Variants in PCBP3 observed in about 807,000 individuals in gnomAD.
PCBP3 encodes the protein poly(rC) binding protein 3.
A neutral mutation model predicts 52.7 loss-of-function variants in PCBP3; 25 were observed. The ratio of observed to expected loss-of-function variants is 0.47; its 90% CI spans 0.35 to 0.66. The LOEUF (loss-of-function observed/expected upper bound fraction) is 0.66, where lower values mean the gene tolerates loss of function less well. Ranked by LOEUF, PCBP3 falls within the 30% of genes least tolerant of loss-of-function variation. The pLI is 0.01. For missense variants in PCBP3, 391 were observed against 490.3 expected, an observed-to-expected ratio of 0.80 and a Z score of 1.91; for synonymous variants, 162 against 183.0, an observed-to-expected ratio of 0.89 and a Z score of 0.93.
chr21:45,782,206 C>T (rs961029748), intron 4 of PCBP3, among the ~76,000 whole-genome samples: 1 of 151,918 alleles, frequency 6.6e-6, no homozygotes. Context: ...GAGATAAAAA[C>T]GTGAGAAATA....
At chr21:45,941,646 C>T (rs1463776744) in intron 17 of PCBP3, 24 bp from the exon 18 acceptor site, 1 of 1,603,138 alleles carries the variant, frequency 6.2e-7, no homozygotes, top group Non-Finnish European at 8.5e-7. Context: ...CCGTCTCTCC[C>T]TCTCCTGCCT....
At chr21:45,896,754 A>C (rs1416167198) in intron 6 of PCBP3, among the ~76,000 whole-genome samples, 28 of 144,004 alleles carry the variant, frequency 1.9e-4, no homozygotes, top group African/African-American at 7.5e-4. Flanking sequence ...GGAAAGGCAG[A>C]CATGGCACAT....
intron 4 of PCBP3, among the ~76,000 whole-genome samples, chr21:45,765,325 G>A (rs1359552901): frequency 2.0e-5 from 3 of 152,220 alleles, no homozygotes; most frequent in Non-Finnish European, 4.4e-5. Context: ...ATCAGGTTGG[G>A]GCGGGCATTG....
chr21:45,785,338 TG>T, intron 4 of PCBP3, among the ~76,000 whole-genome samples: 1 of 112,372 alleles, frequency 8.9e-6, no homozygotes, highest in East Asian at 2.7e-4. Flanking sequence ...GGGAGGGAGG[TG>T]GGGGGGTCAG....
Position 45,917,450 on chromosome 21 carries a change from C to G in PCBP3, c.676-138C>G. The G allele has an allele frequency of 1.4e-6, 1 of 690,282 alleles. No individual in the cohort carries two copies. Among genetic ancestry groups the G allele is most frequent in the South Asian group, 1.7e-5 (1 of 58,376 alleles). The allele number at this position is 690,282 out of a possible 1,614,324, so 42.8% of individuals were successfully genotyped here. A position where few individuals can be genotyped will look rare whatever the true frequency, so the allele number is the denominator to read the frequency against. ...GCCCTGGGAGGGTTGGCCCTTTGTC[C>G]TAGGATGGGGACAGGTGGAGAGGCA... On this transcript the variant is annotated intron_variant, in intron 12 of 17. Transcript: ENST00000681687. This position sits in a 1 kb window ranked among gnomAD's most constrained non-coding sequence, Gnocchi z 5.3.
chr21:45,671,697 A>G (rs908867837), intron 2 of PCBP3, among the ~76,000 whole-genome samples: 2 of 152,206 alleles, frequency 1.3e-5, no homozygotes, highest in Non-Finnish European at 2.9e-5. Flanking sequence ...GGATGGTATC[A>G]GTAAGTGGGG....
At chr21:45,649,631 A>G (rs1444995787) in intron 1 of PCBP3, among the ~76,000 whole-genome samples, 3 of 152,110 alleles carry the variant, frequency 2.0e-5, no homozygotes, top group Non-Finnish European at 2.9e-5. Context: ...TGATAATTTA[A>G]TTTCTTTCTC....
intron 5 of PCBP3, among the ~76,000 whole-genome samples, chr21:45,855,803 G>A (rs1316814917): frequency 6.6e-6 from 1 of 152,234 alleles, no homozygotes; most frequent in Admixed American, 6.5e-5. Flanking sequence ...GTGGAACCCA[G>A]GGAGACAGAA....
chr21:45,935,466 A>G, intron 16 of PCBP3, 161 bp downstream of exon 16: 1 of 703,894 alleles, frequency 1.4e-6, no homozygotes, highest in Non-Finnish European at 2.6e-6. Context: ...TTCCTTTTTA[A>G]AGTGGGTTTA....
chr21:45,775,210 T>G (rs2090162937), intron 4 of PCBP3, among the ~76,000 whole-genome samples: 1 of 152,174 alleles, frequency 6.6e-6, no homozygotes, highest in South Asian at 2.1e-4. Flanking sequence ...CTGTTCAGGA[T>G]TTTTATTTCC....
At chr21:45,804,483 C>CT (rs2146840819) in intron 4 of PCBP3, among the ~76,000 whole-genome samples, 2 of 152,258 alleles carry the variant, frequency 1.3e-5, no homozygotes, top group East Asian at 3.9e-4. Flanking sequence ...AGCCGGGGAG[C>CT]TTACTGAAGA....
rs530354390 is a variant in PCBP3 at position 45,902,036 on chromosome 21, A to G, written c.339+923A>G. ...CTGTGCTTGGCAGAGACTCAAAGGCAGGCAGGAGGGGGAGCTTGGGAGTGG... is the reference window on the plus strand; with the variant it reads ...CTGTGCTTGGCAGAGACTCAAAGGCGGGCAGGAGGGGGAGCTTGGGAGTGG... On this transcript the variant is annotated intron_variant, in intron 9 of 17. Transcript: ENST00000681687. Among the ~76,000 whole-genome samples, 6 of 152,310 alleles carry G rather than the reference A, an allele frequency of 3.9e-5. No homozygotes were observed. In the South Asian group the frequency reaches 1.2e-3, roughly 32 times the overall value.
chr21:45,667,075 GTTCTTTCT>G (rs138226209), intron 1 of PCBP3, among the ~76,000 whole-genome samples: 46,972 of 147,526 alleles, frequency 0.32, 8,736 homozygotes, highest in East Asian at 0.65. Context: ...GCATCTGTTT[GTTCTTTCT>G]TTCTTTCTTT....
intron 5 of PCBP3, chr21:45,870,771 C>T (rs1182461489): frequency 2.6e-5 from 4 of 152,546 alleles, no homozygotes; most frequent in Non-Finnish European, 5.9e-5. Flanking sequence ...TCCCCAGCTG[C>T]GTGTGTCCAG....
intron 13 of PCBP3, among the ~76,000 whole-genome samples, chr21:45,926,601 G>T (rs1321293867): frequency 6.6e-6 from 1 of 152,106 alleles, no homozygotes; most frequent in African/African-American, 2.4e-5. Flanking sequence ...TATGAGACTT[G>T]GACAGGACAG....
In PCBP3 at chr21:45,865,827, TC is replaced by T. The variant is rs571292100; in HGVS notation, c.10+15734del. On this transcript the variant is annotated intron_variant, in intron 5 of 17. Coordinates refer to ENST00000681687, the MANE Select transcript of PCBP3 (RefSeq NM_001384156.1). ...AGGACCTCGGCAGGGCAGGCGGCTG[TC>T]CTGCAGAGGCCTCAGGCGGGCTCAG... Among the ~76,000 whole-genome samples the T allele has an allele frequency of 7.2e-5, 11 of 152,284 alleles. No individual in the cohort carries two copies. In the East Asian group the frequency reaches 1.5e-3, roughly 21 times the overall value.
rs141846118 is a variant in PCBP3 at position 45,672,476 on chromosome 21, T to G, written c.-200+3524T>G. Among the ~76,000 whole-genome samples the G allele has an allele frequency of 3.5e-4, 53 of 152,118 alleles. No homozygotes were observed. The East Asian group carries it at 9.5e-3, about 27-fold the overall frequency. On this transcript the variant is annotated intron_variant, in intron 2 of 17. Transcript: ENST00000681687. Reference sequence around the variant, plus strand: ...GTTGTTTTGACAGTCACTGACTGTTTTAGGCTCATGTTTCTTTGGCAATGC... The same window carrying G: ...GTTGTTTTGACAGTCACTGACTGTTGTAGGCTCATGTTTCTTTGGCAATGC...
chr21:45,858,847 T>G (rs989763089), intron 5 of PCBP3: 7 of 152,160 alleles, frequency 4.6e-5, no homozygotes, highest in African/African-American at 1.4e-4. Context: ...TCCCGTGCTG[T>G]TCTCGTGATA....
intron 9 of PCBP3, among the ~76,000 whole-genome samples, chr21:45,903,608 A>G (rs2839043): frequency 6.6e-6 from 1 of 151,960 alleles, no homozygotes; most frequent in African/African-American, 2.4e-5. Context: ...ATGTGCTAAC[A>G]TAACAATTAT....
Sources: gnomAD v4.1 joint callset for allele counts (sites outside exome capture counted in the v4.1 genomes callset) on GRCh38, gnomAD v4.1.1 for gene constraint, Gnocchi (gnomAD v3.1) non-coding constraint, MANE v1.5 for transcripts, NCBI Gene and HGNC (gene_info 2026-07-23, HGNC 2026-07-21) for gene names.